SPSB4: variants seen among roughly 807,000 people sequenced by gnomAD.
SPSB4 encodes splA/ryanodine receptor domain and SOCS box containing 4.
A neutral mutation model predicts 20.9 loss-of-function variants in SPSB4; 21 were observed. That is an observed-to-expected ratio of 1.01 (90% CI 0.71 to 1.45). The LOEUF (loss-of-function observed/expected upper bound fraction) is 1.45. Among genes scored for constraint, SPSB4 ranks in the 40% most tolerant of loss-of-function variants. The pLI, the probability that SPSB4 is intolerant of heterozygous loss-of-function variation, is 0.00. For missense variants in SPSB4, 399 were observed against 399.2 expected (o/e 1.00, Z 0.00); for synonymous variants, 207 against 183.8 (o/e 1.13, Z -1.02).
At chr3:141,138,927 C>T (rs921926690) in intron 2 of SPSB4, among the ~76,000 whole-genome samples, 1 of 152,166 alleles carries the variant, frequency 6.6e-6, no homozygotes, top group Non-Finnish European at 1.5e-5. Context: ...CTAATGTTGA[C>T]AGTGGGGTGT....
chr3:141,075,995 G>T (rs1938101030), intron 2 of SPSB4, among the ~76,000 whole-genome samples: 1 of 152,044 alleles, frequency 6.6e-6, no homozygotes, highest in African/African-American at 2.4e-5. Flanking sequence ...GAAGGTGGAG[G>T]TTGCAGTGAG....
At chr3:141,120,878 G>A (rs1486921830) in intron 2 of SPSB4, among the ~76,000 whole-genome samples, 1 of 152,132 alleles carries the variant, frequency 6.6e-6, no homozygotes, top group African/African-American at 2.4e-5. Flanking sequence ...TTGCCAGTCT[G>A]TGCCTTTTAA....
chr3:141,134,046 TTTCTTTTTTC>T, intron 2 of SPSB4, among the ~76,000 whole-genome samples: 3 of 128,326 alleles, frequency 2.3e-5, no homozygotes, highest in African/African-American at 6.1e-5. Context: ...TTTTTTTTTT[TTTCTTTTTTC>T]TTTTTTTTTT....
intron 1 of SPSB4, among the ~76,000 whole-genome samples, chr3:141,061,239 A>T (rs1315441967): frequency 6.6e-6 from 1 of 152,202 alleles, no homozygotes; most frequent in Non-Finnish European, 1.5e-5. Context: ...AAGGCCCATT[A>T]TACCAATTTT....
chr3:141,104,019 C>G (rs946565730), intron 2 of SPSB4, among the ~76,000 whole-genome samples: 1 of 152,158 alleles, frequency 6.6e-6, no homozygotes, highest in African/African-American at 2.4e-5. Flanking sequence ...AGAAAGCTTT[C>G]CCCAACAGTT....
rs1053401238 is a variant in SPSB4, at chr3:141,079,482, G to C, written c.694+12684G>C. Among the ~76,000 whole-genome samples, 8 of 152,138 alleles carry C rather than the reference G, an allele frequency of 5.3e-5. No homozygotes were observed. In the East Asian group the frequency reaches 1.5e-3, roughly 29 times the overall value. ...CTACTTAATTTGATATGAGTGTAAAGAAGCCATTCCACTTTCCTCAATCAC... is the reference window on the plus strand; with the variant it reads ...CTACTTAATTTGATATGAGTGTAAACAAGCCATTCCACTTTCCTCAATCAC... On this transcript the variant is annotated intron_variant, in intron 2 of 2. Transcript: ENST00000310546.
chr3:141,085,095 T>C (rs1334626682), intron 2 of SPSB4, among the ~76,000 whole-genome samples: 2 of 151,908 alleles, frequency 1.3e-5, no homozygotes, highest in African/African-American at 4.8e-5. Flanking sequence ...GCCAAATAGA[T>C]AGGGTGGCAG....
chr3:141,054,705 C>T (rs1937602710), intron 1 of SPSB4, among the ~76,000 whole-genome samples: 1 of 152,240 alleles, frequency 6.6e-6, no homozygotes, highest in Admixed American at 6.5e-5. Context: ...GTGGTTCATG[C>T]CCGTAATCCC....
chr3:141,104,212 G>A (rs1461212974), intron 2 of SPSB4, among the ~76,000 whole-genome samples: 1 of 152,222 alleles, frequency 6.6e-6, no homozygotes, highest in Admixed American at 6.5e-5. Flanking sequence ...ACCTTGTGCA[G>A]CATTGAAATG....
chr3:141,138,995 C>G (rs1347963289), intron 2 of SPSB4, among the ~76,000 whole-genome samples: 1 of 152,160 alleles, frequency 6.6e-6, no homozygotes, highest in African/African-American at 2.4e-5. Context: ...TTACTAAGGA[C>G]TTCCTTTATG....
intron 2 of SPSB4, among the ~76,000 whole-genome samples, chr3:141,140,709 T>C (rs532697165): frequency 6.6e-6 from 1 of 152,224 alleles, no homozygotes; most frequent in African/African-American, 2.4e-5. Context: ...CTCAGAGGAG[T>C]ACCCGGCCGT....
At chr3:141,094,784 C>G (rs1216323084) in intron 2 of SPSB4, among the ~76,000 whole-genome samples, 1 of 140,486 alleles carries the variant, frequency 7.1e-6, no homozygotes, top group African/African-American at 2.6e-5. Context: ...CCCCCCGCCC[C>G]TTTGCCCCCC....
chr3:141,079,270 A>G (rs1399428168), intron 2 of SPSB4, among the ~76,000 whole-genome samples: 1 of 151,810 alleles, frequency 6.6e-6, no homozygotes, highest in Non-Finnish European at 1.5e-5. Context: ...ATCTCAAAAA[A>G]AAAAAAAAGA....
chr3:141,137,516 C>G (rs1233727228), intron 2 of SPSB4, among the ~76,000 whole-genome samples: 3 of 152,148 alleles, frequency 2.0e-5, no homozygotes, highest in African/African-American at 7.2e-5. Flanking sequence ...CCCATCAATA[C>G]CTAATTTATT....
intron 1 of SPSB4, among the ~76,000 whole-genome samples, chr3:141,062,461 T>G (rs1174666802): frequency 6.6e-6 from 1 of 152,154 alleles, no homozygotes; most frequent in Non-Finnish European, 1.5e-5. Context: ...GTTCTATTAT[T>G]TCCCTATTTT....
intron 2 of SPSB4, among the ~76,000 whole-genome samples, chr3:141,133,977 TC>T (rs1423800160): frequency 2.0e-5 from 3 of 151,732 alleles, no homozygotes; most frequent in East Asian, 1.9e-4. Flanking sequence ...CCTGTGGAAA[TC>T]TTTCACCTCC....
intron 2 of SPSB4, among the ~76,000 whole-genome samples, chr3:141,130,098 G>A (rs1939111416): frequency 6.6e-6 from 1 of 152,290 alleles, no homozygotes; most frequent in East Asian, 1.9e-4. Context: ...GCCATGACAG[G>A]GCCAGTCGGT....
chr3:141,057,876 T>C (rs578202861), intron 1 of SPSB4, among the ~76,000 whole-genome samples: 1 of 152,354 alleles, frequency 6.6e-6, no homozygotes, highest in East Asian at 1.9e-4. Context: ...TGGATTTCTT[T>C]TTACAGTCTT....
chr3:141,083,261 G>A (rs1319141667), intron 2 of SPSB4, among the ~76,000 whole-genome samples: 2 of 152,164 alleles, frequency 1.3e-5, no homozygotes, highest in South Asian at 2.1e-4. Context: ...AGAGTGCCAC[G>A]TGCATGGCTT....
Sources: gnomAD v4.1 joint callset for allele counts (sites outside exome capture counted in the v4.1 genomes callset) on GRCh38, gnomAD v4.1.1 for gene constraint, MANE v1.5 for transcripts, NCBI Gene and HGNC (gene_info 2026-07-23, HGNC 2026-07-21) for gene names.